SYTL3: variants seen among roughly 807,000 people sequenced by gnomAD.
SYTL3 encodes synaptotagmin like 3, also known as synaptotagmin-like protein 3.
A neutral mutation model predicts 82.1 loss-of-function variants in SYTL3; 88 were observed. The observed-to-expected ratio is 1.07, with a 90% CI of 0.90 to 1.28. The LOEUF (loss-of-function observed/expected upper bound fraction) is 1.28, where lower values mean the gene tolerates loss of function less well. SYTL3 is among the 50% of genes most tolerant of loss of function. SYTL3 has a pLI of 0.00. For missense variants in SYTL3, 831 were observed against 757.6 expected (o/e 1.10, Z -1.14); for synonymous variants, 311 against 289.4 (o/e 1.07, Z -0.76).
chr6:158,764,732 C>T lies in SYTL3; in HGVS notation c.*128C>T, dbSNP rs969657050. Reference sequence around the variant, plus strand: ...CCTTGAGCAGTCTCCATCTGCGGCCCTGTCCCATGGCTTAACCGCCTATTG... The same window carrying T: ...CCTTGAGCAGTCTCCATCTGCGGCCTTGTCCCATGGCTTAACCGCCTATTG... On this transcript the variant is annotated 3_prime_UTR_variant, in exon 18 of 18. Coordinates refer to ENST00000611299, the MANE Select transcript of SYTL3 (RefSeq NM_001242394.2). 10 of 646,580 alleles carry T rather than the reference C, an allele frequency of 1.5e-5. No individual in the cohort carries two copies. The highest frequency in any genetic ancestry group is 1.3e-4 in the African/African-American group (7 of 55,526). 40.1% of individuals were successfully genotyped at this position (646,580 alleles called of 1,614,324 possible).
At chr6:158,665,313 G>T in intron 4 of SYTL3, 82 bp from the exon 5 acceptor site, 2 of 1,338,596 alleles carry the variant, frequency 1.5e-6, no homozygotes, top group African/African-American at 1.5e-5. Flanking sequence ...TTGCCATGGG[G>T]GTTACTGCCT....
intron 2 of SYTL3, 28 bp from the exon 3 acceptor site, chr6:158,661,241 A>C (rs2306749): frequency 5.3e-5 from 8 of 151,986 alleles, no homozygotes; most frequent in Non-Finnish European, 1.2e-4. Flanking sequence ...GGTCACACAC[A>C]GTTTTCTATT....
chr6:158,695,068 A>G (rs565580099), intron 6 of SYTL3, among the ~76,000 whole-genome samples: 60 of 152,222 alleles, frequency 3.9e-4, no homozygotes, highest in African/African-American at 1.4e-3. Flanking sequence ...CTGGCCCATC[A>G]CCCTGCTTTT....
At chr6:158,761,254 T>TGGA (rs1044665933) in intron 15 of SYTL3, among the ~76,000 whole-genome samples, 3 of 146,076 alleles carry the variant, frequency 2.1e-5, no homozygotes, top group African/African-American at 7.6e-5. Context: ...AGCAGGAGGG[T>TGGA]GGAGGAGGAG....
Position 158,764,756 on chromosome 6 carries a change from T to G in SYTL3, c.*152T>G. On this transcript the variant is annotated 3_prime_UTR_variant, in exon 18 of 18. Coordinates refer to ENST00000611299, the MANE Select transcript of SYTL3 (RefSeq NM_001242394.2). ...CCTGTCCCATGGCTTAACCGCCTAT[T>G]GGTATCTGTGTATATTTACGTTAAA... 1.7e-6 allele frequency: 1 copy of G among 588,276 alleles called. No individual in the cohort carries two copies. The highest frequency in any genetic ancestry group is 2.8e-5 in the East Asian group (1 of 35,906). 36.4% of individuals were successfully genotyped at this position (588,276 alleles called of 1,614,324 possible).
rs1410625753 is a variant in SYTL3, at chr6:158,701,145, GAGGAGGTGAGCTGGGGTGTAGATGA to G, written c.395-6054_395-6030del. ...TGAATGAACTCTTAGAAGGGTCATGGAGGAGGTGAGCTGGGGTGTAGATGAAGGAGGTGAGCTGGGGTGTAGATGA... is the reference window on the plus strand; with the variant it reads ...TGAATGAACTCTTAGAAGGGTCATGGAGGAGGTGAGCTGGGGTGTAGATGA... On this transcript the variant is annotated intron_variant, in intron 6 of 17. Transcript: ENST00000611299. Among the ~76,000 whole-genome samples the G allele has an allele frequency of 5.5e-3, 811 of 146,590 alleles. 11 individuals are homozygous for G. The highest frequency in any genetic ancestry group is 0.017 in the African/African-American group (646 of 39,008).
At chr6:158,734,231 T>A (rs925119254) in intron 11 of SYTL3, among the ~76,000 whole-genome samples, 1 of 151,710 alleles carries the variant, frequency 6.6e-6, no homozygotes, top group Non-Finnish European at 1.5e-5. Flanking sequence ...TTACTTATAA[T>A]AGGGGTGGAG....
chr6:158,680,907 C>T (rs1467300375), intron 5 of SYTL3, among the ~76,000 whole-genome samples: 1 of 152,142 alleles, frequency 6.6e-6, no homozygotes, highest in African/African-American at 2.4e-5. Flanking sequence ...CAATTACTAG[C>T]ACTTCATAGA....
chr6:158,658,653 G>A (rs1385159592), intron 2 of SYTL3, among the ~76,000 whole-genome samples: 1 of 152,082 alleles, frequency 6.6e-6, no homozygotes, highest in Non-Finnish European at 1.5e-5. Context: ...GGCCAGGCGC[G>A]GTAGCTCACG....
chr6:158,670,183 A>G (rs1777205620), intron 5 of SYTL3, among the ~76,000 whole-genome samples: 1 of 152,244 alleles, frequency 6.6e-6, no homozygotes, highest in African/African-American at 2.4e-5. Flanking sequence ...TTTTCCCAGT[A>G]CTTTTATAAT....
chr6:158,700,577 TGTTAA>T (rs67576932), intron 6 of SYTL3, among the ~76,000 whole-genome samples: 73,614 of 151,462 alleles, frequency 0.49, 18,280 homozygotes, highest in African/African-American at 0.56. Context: ...TTCCTGCTAT[TGTTAA>T]AATAGTGTTG....
chr6:158,712,176 C>T (rs1367948810), intron 8 of SYTL3, among the ~76,000 whole-genome samples: 2 of 152,144 alleles, frequency 1.3e-5, no homozygotes, highest in African/African-American at 4.8e-5. Context: ...TTCTGATGTC[C>T]AAGGCAGCAG....
rs1783665165 is a variant in SYTL3, at chr6:158,718,346, T to C, written c.720+135T>C. 14 of 1,099,702 alleles carry C rather than the reference T, an allele frequency of 1.3e-5. No individual in the cohort carries two copies. In the East Asian group the frequency reaches 4.2e-4, roughly 33 times the overall value. The allele number at this position is 1,099,702 out of a possible 1,614,324, so 68.1% of individuals were successfully genotyped here. On this transcript the variant is annotated intron_variant, in intron 10 of 17. Coordinates refer to ENST00000611299, the MANE Select transcript of SYTL3 (RefSeq NM_001242394.2). ...ACAGTAAGCCATCAGAAAAACATAA[T>C]TACCAGTCAGTGCCTCTATTTGGGC...
chr6:158,759,222 C>T (rs2885284), intron 14 of SYTL3, among the ~76,000 whole-genome samples: 3,103 of 152,268 alleles, frequency 0.02, 115 homozygotes, highest in African/African-American at 0.071. Flanking sequence ...CTGCAGGTGG[C>T]ACAGAGCTGC....
intron 6 of SYTL3, among the ~76,000 whole-genome samples, chr6:158,706,969 G>A (rs1043010434): frequency 6.6e-6 from 1 of 152,102 alleles, no homozygotes; most frequent in Non-Finnish European, 1.5e-5. Context: ...ATGTTTAAAT[G>A]ACTTTAGGAG....
intron 11 of SYTL3, among the ~76,000 whole-genome samples, chr6:158,728,188 TTTC>T (rs1784966257): frequency 6.6e-6 from 1 of 152,206 alleles, no homozygotes; most frequent in African/African-American, 2.4e-5. Context: ...TCTCCCATGT[TTTC>T]ATCTAGAAAT....
chr6:158,671,747 AAAG>A (rs3063478), intron 5 of SYTL3, among the ~76,000 whole-genome samples: 6 of 149,082 alleles, frequency 4.0e-5, no homozygotes, highest in African/African-American at 1.5e-4. Context: ...AAAAAAAAAA[AAAG>A]ATAATTATTT....
chr6:158,693,844 C>CTTTTACTTTTTTTTT (rs763990639), intron 6 of SYTL3, among the ~76,000 whole-genome samples: 680 of 55,422 alleles, frequency 0.012, 39 homozygotes, highest in Non-Finnish European at 0.016. Flanking sequence ...TCCAGCCTTT[C>CTTTTACTTTTTTTTT]TTTTTCTTTT....
intron 6 of SYTL3, 98 bp from the exon 7 acceptor site, chr6:158,707,132 G>T (rs527406019): frequency 1.6e-6 from 2 of 1,218,748 alleles, no homozygotes; most frequent in Admixed American, 3.7e-5. Flanking sequence ...CACAAGAAAT[G>T]ATACTAGAGA....
Sources: gnomAD v4.1 joint callset for allele counts (sites outside exome capture counted in the v4.1 genomes callset) on GRCh38, gnomAD v4.1.1 for gene constraint, MANE v1.5 for transcripts, NCBI Gene and HGNC (gene_info 2026-07-23, HGNC 2026-07-21) for gene names.